The following MAGI1 variants were observed in gnomAD, a reference collection of about 807,000 sequenced individuals.
MAGI1 encodes membrane associated guanylate kinase, WW and PDZ domain containing 1.
Under a neutral mutation model 139.9 loss-of-function variants are expected in MAGI1, and 58 were observed. The ratio of observed to expected loss-of-function variants is 0.41; its 90% CI spans 0.34 to 0.52. MAGI1 has a LOEUF of 0.52. Among genes scored for constraint, MAGI1 ranks in the 20% least tolerant of loss-of-function variants. MAGI1 has a pLI of 0.12. For synonymous variants in MAGI1, 812 were observed against 737.9 expected, an observed-to-expected ratio of 1.10 and a Z score of -1.63; for missense variants, 1,874 against 1,901.6, an observed-to-expected ratio of 0.99 and a Z score of 0.27.
At chr3:65,655,722 GA>G (rs1379610272) in intron 1 of MAGI1, among the ~76,000 whole-genome samples, 1 of 152,196 alleles carries the variant, frequency 6.6e-6, no homozygotes, top group African/African-American at 2.4e-5. Context: ...GACGAGCTGA[GA>G]AAGTTGCCCA....
chr3:65,518,307 A>G (rs994893942), intron 2 of MAGI1, among the ~76,000 whole-genome samples: 2 of 152,198 alleles, frequency 1.3e-5, no homozygotes, highest in Middle Eastern at 3.2e-3. Flanking sequence ...CTGTATCTGT[A>G]TATTTATTTA....
intron 1 of MAGI1, among the ~76,000 whole-genome samples, chr3:65,949,598 A>G (rs2063699896): frequency 6.6e-6 from 1 of 152,206 alleles, no homozygotes; most frequent in Non-Finnish European, 1.5e-5. Flanking sequence ...CCAAGTTTCT[A>G]AGGCTGAAAA....
intron 2 of MAGI1, among the ~76,000 whole-genome samples, chr3:65,579,004 AT>A (rs570514788): frequency 5.8e-4 from 87 of 150,786 alleles, no homozygotes; most frequent in Non-Finnish European, 1.0e-3. Context: ...AAAGCGATGC[AT>A]TTTTTTGCGG....
At chr3:65,433,877 T>C (rs934212782) in intron 10 of MAGI1, among the ~76,000 whole-genome samples, 11 of 152,238 alleles carry the variant, frequency 7.2e-5, no homozygotes, top group Admixed American at 7.2e-4. Flanking sequence ...TCCGTGATGA[T>C]GGAAATGCTC....
chr3:65,920,735 G>C (rs2062134877), intron 1 of MAGI1, among the ~76,000 whole-genome samples: 3 of 152,068 alleles, frequency 2.0e-5, no homozygotes, highest in African/African-American at 7.2e-5. Context: ...ATTTACATTT[G>C]GTAAGAACAA....
intron 1 of MAGI1, among the ~76,000 whole-genome samples, chr3:65,816,303 G>A (rs1374377484): frequency 6.6e-6 from 1 of 152,088 alleles, no homozygotes. Flanking sequence ...CACTTTCAGT[G>A]ATGAAAAATT....
chr3:65,663,689 G>T (rs2086333900), intron 1 of MAGI1, among the ~76,000 whole-genome samples: 1 of 152,166 alleles, frequency 6.6e-6, no homozygotes, highest in Non-Finnish European at 1.5e-5. Flanking sequence ...TTCAGTTAGT[G>T]GGGAACTTTT....
chr3:65,661,262 C>T (rs1385156781), intron 1 of MAGI1, among the ~76,000 whole-genome samples: 1 of 152,084 alleles, frequency 6.6e-6, no homozygotes, highest in Admixed American at 6.5e-5. Context: ...TCAGGCAAAA[C>T]CCCCATTATC....
chr3:65,385,869 A>G (rs1160339893), intron 14 of MAGI1, among the ~76,000 whole-genome samples: 1 of 152,222 alleles, frequency 6.6e-6, no homozygotes, highest in African/African-American at 2.4e-5. Flanking sequence ...AGCTGGCTAC[A>G]GGATATTTGC....
intron 2 of MAGI1, among the ~76,000 whole-genome samples, chr3:65,612,513 TA>T (rs2083176483): frequency 6.6e-6 from 1 of 151,168 alleles, no homozygotes. Flanking sequence ...AATAAAAAAA[TA>T]TGTCATTGAT....
At chr3:65,817,625 T>C (rs1470886338) in intron 1 of MAGI1, among the ~76,000 whole-genome samples, 1 of 152,178 alleles carries the variant, frequency 6.6e-6, no homozygotes, top group Non-Finnish European at 1.5e-5. Context: ...AACTGAGTAG[T>C]GTTAGAAAAG....
chr3:65,586,089 A>G (rs1207253326), intron 2 of MAGI1, among the ~76,000 whole-genome samples: 1 of 151,972 alleles, frequency 6.6e-6, no homozygotes, highest in Non-Finnish European at 1.5e-5. Context: ...GCATGCCTGT[A>G]CCCTCAGCTA....
At chr3:65,832,770 T>C (rs13071340) in intron 1 of MAGI1, among the ~76,000 whole-genome samples, 9 of 152,278 alleles carry the variant, frequency 5.9e-5, no homozygotes, top group African/African-American at 2.2e-4. Flanking sequence ...GCAAAGCATC[T>C]GCCTTCAATC....
At chr3:65,757,127 C>T (rs1487352080) in intron 1 of MAGI1, among the ~76,000 whole-genome samples, 6 of 152,106 alleles carry the variant, frequency 3.9e-5, no homozygotes, top group African/African-American at 9.7e-5. Context: ...CCATTTGCTA[C>T]TTTTTAACAG....
At chr3:65,812,156 G>A (rs2108202715) in intron 1 of MAGI1, among the ~76,000 whole-genome samples, 1 of 152,038 alleles carries the variant, frequency 6.6e-6, no homozygotes, top group East Asian at 1.9e-4. Flanking sequence ...CCAGACACCA[G>A]ACACATAATA....
chr3:65,896,729 C>T (rs2060985184), intron 1 of MAGI1, among the ~76,000 whole-genome samples: 1 of 152,110 alleles, frequency 6.6e-6, no homozygotes. Flanking sequence ...ATAATATGGA[C>T]AGTATACATC....
rs989782191 is a variant in MAGI1, at chr3:65,705,194, A to C, written c.314-83106T>G. Among the ~76,000 whole-genome samples, 10 of 152,272 alleles carry C rather than the reference A, an allele frequency of 6.6e-5. No individual in the cohort carries two copies. The East Asian group carries it at 1.2e-3, about 18-fold the overall frequency. ...AAGAAAAAAAAATTTCTAAGCTTACATTTGGATAATAAAGTGCTATTTTAA... is the reference window on the plus strand; with the variant it reads ...AAGAAAAAAAAATTTCTAAGCTTACCTTTGGATAATAAAGTGCTATTTTAA... On this transcript the variant is annotated intron_variant, in intron 1 of 22. Transcript: ENST00000402939.
At chr3:65,900,809 C>A (rs977549886) in intron 1 of MAGI1, among the ~76,000 whole-genome samples, 1 of 152,194 alleles carries the variant, frequency 6.6e-6, no homozygotes, top group South Asian at 2.1e-4. Context: ...TATTATGAAC[C>A]ATTGAGAATC....
chr3:65,990,871 T>C (rs1445346715), intron 1 of MAGI1, among the ~76,000 whole-genome samples: 3 of 152,176 alleles, frequency 2.0e-5, no homozygotes, highest in Non-Finnish European at 4.4e-5. Flanking sequence ...CCTGTCGTCC[T>C]AGATACTTGG....
Sources: allele counts gnomAD v4.1 joint callset (sites outside exome capture counted in the v4.1 genomes callset), GRCh38; gene constraint gnomAD v4.1.1; transcripts MANE v1.5; gene names NCBI Gene and HGNC (gene_info 2026-07-23, HGNC 2026-07-21).